Variants in MACROD2 observed in about 807,000 individuals in gnomAD.
The protein encoded by MACROD2 is ADP-ribose glycohydrolase MACROD2.
MACROD2 carries 36 observed loss-of-function variants against 70.4 expected under a neutral mutation model. The ratio of observed to expected loss-of-function variants is 0.51; its 90% CI spans 0.39 to 0.68. The LOEUF (loss-of-function observed/expected upper bound fraction) is 0.68, where lower values mean the gene tolerates loss of function less well. Among genes scored for constraint, MACROD2 ranks in the 30% least tolerant of loss-of-function variants. The probability of loss-of-function intolerance (pLI) is 0.00; values close to 1 mark genes in which losing one functional copy is unlikely to be tolerated. For synonymous variants in MACROD2, 172 were observed against 178.8 expected (o/e 0.96, Z 0.30); for missense variants, 496 against 538.4 (o/e 0.92, Z 0.78).
intron 5 of MACROD2, among the ~76,000 whole-genome samples, chr20:15,190,028 A>C (rs769687029): frequency 6.6e-6 from 1 of 152,150 alleles, no homozygotes; most frequent in Non-Finnish European, 1.5e-5. Context: ...GCTCAAATAC[A>C]TACTACTTCC....
chr20:15,835,256 A>AG (rs1433840537), intron 8 of MACROD2, among the ~76,000 whole-genome samples: 6 of 52,092 alleles, frequency 1.2e-4, no homozygotes, highest in African/African-American at 5.8e-4. Flanking sequence ...AATAATAATT[A>AG]TTAATTCAGT....
At chr20:14,063,361 A>G (rs562535040) in intron 2 of MACROD2, among the ~76,000 whole-genome samples, 1 of 152,316 alleles carries the variant, frequency 6.6e-6, no homozygotes, top group South Asian at 2.1e-4. Context: ...GGCTCTATCC[A>G]TCTTATTTCT....
intron 3 of MACROD2, among the ~76,000 whole-genome samples, chr20:14,086,635 G>A (rs952321254): frequency 2.1e-4 from 32 of 152,192 alleles, no homozygotes; most frequent in African/African-American, 7.2e-4. Flanking sequence ...TTGCTTCAGG[G>A]TGGACCAAAG....
chr20:15,125,670 G>A lies in MACROD2; in HGVS notation c.419-104270G>A, dbSNP rs193193303. 2.8e-3 allele frequency among the ~76,000 whole-genome samples: 431 copies of A among 151,912 alleles called. 5 individuals are homozygous for A. Among genetic ancestry groups the A allele is most frequent in the African/African-American group, 9.6e-3 (398 of 41,464 alleles). On this transcript the variant is annotated intron_variant, in intron 5 of 17. Transcript: ENST00000684519. ...TTTACTGTAGTAATCAGTAATAACC[G>A]GTATTTTCTCTTTTCTTCTTGAGAT...
chr20:14,523,728 C>G (rs1185036470), intron 4 of MACROD2, among the ~76,000 whole-genome samples: 3 of 152,292 alleles, frequency 2.0e-5, no homozygotes, highest in African/African-American at 7.2e-5. Context: ...GCATAGCATC[C>G]TCTTCTAGAA....
intron 12 of MACROD2, among the ~76,000 whole-genome samples, chr20:15,954,052 C>T (rs1049949707): frequency 6.6e-6 from 1 of 152,002 alleles, no homozygotes; most frequent in Non-Finnish European, 1.5e-5. Flanking sequence ...TATGTTTGAA[C>T]CCTATATAAA....
intron 4 of MACROD2, 179 bp downstream of exon 4, chr20:14,493,687 AT>A: frequency 1.9e-6 from 1 of 528,988 alleles, no homozygotes. Flanking sequence ...CTTAAATGTT[AT>A]TTTAATTGAC....
intron 3 of MACROD2, among the ~76,000 whole-genome samples, chr20:14,096,528 G>C (rs2054229353): frequency 6.6e-6 from 1 of 151,904 alleles, no homozygotes; most frequent in South Asian, 2.1e-4. Context: ...CACCACACCT[G>C]GCTAACTTTT....
At chr20:14,942,839 G>A (rs1020565845) in intron 5 of MACROD2, among the ~76,000 whole-genome samples, 1 of 152,164 alleles carries the variant, frequency 6.6e-6, no homozygotes, top group African/African-American at 2.4e-5. Context: ...CAAGTGCCTT[G>A]CTTTATCTTT....
At chr20:15,673,996 G>T (rs549291109) in intron 8 of MACROD2, among the ~76,000 whole-genome samples, 8 of 152,268 alleles carry the variant, frequency 5.3e-5, no homozygotes, top group Non-Finnish European at 1.2e-4. Flanking sequence ...ATGTAAAGGA[G>T]TGTACATCTA....
chr20:15,757,571 C>A (rs1198464032), intron 8 of MACROD2, among the ~76,000 whole-genome samples: 1 of 152,108 alleles, frequency 6.6e-6, no homozygotes, highest in Non-Finnish European at 1.5e-5. Flanking sequence ...GTAGAAAATA[C>A]CTCCATGAGT....
intron 5 of MACROD2, among the ~76,000 whole-genome samples, chr20:14,823,469 A>C (rs1011893660): frequency 2.6e-5 from 4 of 152,240 alleles, no homozygotes; most frequent in Non-Finnish European, 4.4e-5. Context: ...AGAGTGGCTC[A>C]GCTGTCATCA....
At chr20:14,819,553 A>G (rs2072816135) in intron 5 of MACROD2, among the ~76,000 whole-genome samples, 1 of 152,032 alleles carries the variant, frequency 6.6e-6, no homozygotes, top group South Asian at 2.1e-4. Flanking sequence ...ACCATCCGGT[A>G]GGGAGGTTAG....
intron 3 of MACROD2, among the ~76,000 whole-genome samples, chr20:14,274,573 T>C (rs1395280724): frequency 6.6e-6 from 1 of 152,118 alleles, no homozygotes; most frequent in African/African-American, 2.4e-5. Flanking sequence ...AGCATTCCCT[T>C]TGAAAACTGG....
intron 3 of MACROD2, among the ~76,000 whole-genome samples, chr20:14,374,287 C>T (rs919523859): frequency 2.0e-5 from 3 of 152,094 alleles, no homozygotes; most frequent in South Asian, 2.1e-4. Flanking sequence ...ACAAATGACC[C>T]GATGACCTTA....
At chr20:14,987,478 CAA>C (rs981258013) in intron 5 of MACROD2, among the ~76,000 whole-genome samples, 1 of 152,086 alleles carries the variant, frequency 6.6e-6, no homozygotes, top group African/African-American at 2.4e-5. Flanking sequence ...TCAGAAAAAT[CAA>C]GTGTGTGTTT....
At chr20:14,515,477 A>G (rs8184075) in intron 4 of MACROD2, among the ~76,000 whole-genome samples, 31 of 122,936 alleles carry the variant, frequency 2.5e-4, no homozygotes, top group African/African-American at 4.7e-4. Flanking sequence ...ACACACACAC[A>G]CACACACACA....
At chr20:14,402,905 A>C (rs2083653195) in intron 3 of MACROD2, among the ~76,000 whole-genome samples, 1 of 152,154 alleles carries the variant, frequency 6.6e-6, no homozygotes. Context: ...GCTATATGCT[A>C]ATGACAGAAG....
chr20:14,682,364 CATA>C (rs1384076893), intron 4 of MACROD2, among the ~76,000 whole-genome samples: 4 of 151,810 alleles, frequency 2.6e-5, no homozygotes, highest in Non-Finnish European at 4.4e-5. Context: ...TTTCCCATCT[CATA>C]ATAATATCAC....
Sources: allele counts gnomAD v4.1 joint callset (sites outside exome capture counted in the v4.1 genomes callset), GRCh38; gene constraint gnomAD v4.1.1; transcripts MANE v1.5; gene names NCBI Gene and HGNC (gene_info 2026-07-23, HGNC 2026-07-21).